GPR180: variants seen among roughly 807,000 people sequenced by gnomAD.
GPR180 encodes G protein-coupled receptor 180, also known as integral membrane protein GPR180.
Under a neutral mutation model 52.6 loss-of-function variants are expected in GPR180, and 53 were observed. That is an observed-to-expected ratio of 1.01 (90% CI 0.81 to 1.27). The LOEUF is 1.27. GPR180 is among the 50% of genes most tolerant of loss of function. The pLI, the probability that GPR180 is intolerant of heterozygous loss-of-function variation, is 0.00. For missense variants in GPR180, 533 were observed against 527.0 expected, an observed-to-expected ratio of 1.01 and a Z score of -0.11; for synonymous variants, 200 against 193.1, an observed-to-expected ratio of 1.04 and a Z score of -0.30.
At chr13:94,605,888 C>A (rs553947069) in intron 2 of GPR180, among the ~76,000 whole-genome samples, 8 of 152,322 alleles carry the variant, frequency 5.3e-5, no homozygotes, top group African/African-American at 1.9e-4. Flanking sequence ...TCTGCCAGCA[C>A]TGAGCTAAAT....
At chr13:94,605,623 G>A in intron 2 of GPR180, 74 bp downstream of exon 2, 2 of 1,216,522 alleles carry the variant, frequency 1.6e-6, no homozygotes, top group Non-Finnish European at 1.2e-6. Context: ...AGTACCATAT[G>A]TACATATGTT....
chr13:94,617,645 A>G (rs1328868246), intron 3 of GPR180, among the ~76,000 whole-genome samples: 1 of 152,148 alleles, frequency 6.6e-6, no homozygotes, highest in Non-Finnish European at 1.5e-5. Context: ...TGATTGAGCT[A>G]TTTATTGATT....
At chr13:94,624,681 C>G (rs1414963411) in intron 7 of GPR180, among the ~76,000 whole-genome samples, 2 of 151,928 alleles carry the variant, frequency 1.3e-5, no homozygotes, top group Non-Finnish European at 2.9e-5. Flanking sequence ...CCTCAGCCTC[C>G]CGAGTAACTC....
At position 94,602,068 on chromosome 13, in the gene GPR180, C is replaced by T; in HGVS notation, c.141C>T (p.Phe47=). 7.2e-7 allele frequency: 1 copy of T among 1,384,722 alleles called. No homozygotes were observed. The highest frequency in any genetic ancestry group is 9.4e-7 in the Non-Finnish European group (1 of 1,065,074). The allele number at this position is 1,384,722 out of a possible 1,614,324, so 85.8% of individuals were successfully genotyped here. ...GCCAGCGCATCGGCCACTTCGAGTTCCATGGTAGGTCTGGGGGCGGGGAGG... is the reference window on the plus strand; with the variant it reads ...GCCAGCGCATCGGCCACTTCGAGTTTCATGGTAGGTCTGGGGGCGGGGAGG... ...AQGQRIGHFE[F]HGDHALLCVR... The change falls in exon 1 of 9, where the codon TTC becomes TTT. Residue 47 remains phenylalanine (F), a synonymous_variant. Coordinates refer to ENST00000376958, the MANE Select transcript of GPR180 (RefSeq NM_180989.6).
rs529151179 is a variant in GPR180 at position 94,614,067 on chromosome 13, C to T, written c.505+1677C>T. 2.6e-5 allele frequency among the ~76,000 whole-genome samples: 4 copies of T among 152,004 alleles called. 1 individual carries two copies. The highest frequency in any genetic ancestry group is 2.6e-4 in the Admixed American group (4 of 15,284). On this transcript the variant is annotated intron_variant, in intron 3 of 8. Coordinates refer to ENST00000376958, the MANE Select transcript of GPR180 (RefSeq NM_180989.6). The stretch of plus-strand genomic sequence containing the variant: ...CTAATTTTTGTATTTTTAGTAGAGA[C>T]GAGGTTCCACCATGTTGGCCAGAAC...
intron 3 of GPR180, among the ~76,000 whole-genome samples, chr13:94,618,042 CTG>C (rs1889799841): frequency 6.6e-6 from 1 of 152,190 alleles, no homozygotes; most frequent in Admixed American, 6.5e-5. Flanking sequence ...TACATGAAGA[CTG>C]TACTAAAAAG....
At chr13:94,613,572 C>T (rs186289299) in intron 3 of GPR180, among the ~76,000 whole-genome samples, 10 of 152,196 alleles carry the variant, frequency 6.6e-5, no homozygotes, top group African/African-American at 2.2e-4. Flanking sequence ...AGGCGTGAGC[C>T]GCTGCACTTG....
Sources: allele counts gnomAD v4.1 joint callset (sites outside exome capture counted in the v4.1 genomes callset), GRCh38; gene constraint gnomAD v4.1.1; transcripts MANE v1.5; gene names NCBI Gene and HGNC (gene_info 2026-07-23, HGNC 2026-07-21).